Variants in DLEU7 observed in about 807,000 individuals in gnomAD.
The protein encoded by DLEU7 is leukemia-associated protein 7.
Under a neutral mutation model 16.0 loss-of-function variants are expected in DLEU7, and 17 were observed. That is an observed-to-expected ratio of 1.06 (90% CI 0.73 to 1.59). The LOEUF (loss-of-function observed/expected upper bound fraction) is 1.59. Ranked by LOEUF, DLEU7 falls within the 40% of genes most tolerant of loss-of-function variation. The pLI is 0.00. For missense variants in DLEU7, 308 were observed against 314.9 expected, an observed-to-expected ratio of 0.98 and a Z score of 0.17; for synonymous variants, 113 against 139.8, an observed-to-expected ratio of 0.81 and a Z score of 1.35.
chr13:50,722,225 G>C (rs933079006), intron 1 of DLEU7, among the ~76,000 whole-genome samples: 2 of 152,210 alleles, frequency 1.3e-5, no homozygotes, highest in Non-Finnish European at 2.9e-5. Flanking sequence ...TAAGGTGGAA[G>C]GGATGATGTC....
intron 1 of DLEU7, among the ~76,000 whole-genome samples, chr13:50,757,691 G>A (rs186628970): frequency 1.7e-3 from 258 of 152,294 alleles, no homozygotes; most frequent in African/African-American, 3.9e-3. Flanking sequence ...TGGATGGGTA[G>A]GGGATAGAAT....
intron 1 of DLEU7, among the ~76,000 whole-genome samples, chr13:50,831,068 C>T (rs1877248707): frequency 7.3e-6 from 1 of 136,516 alleles, no homozygotes; most frequent in Non-Finnish European, 1.5e-5. Flanking sequence ...AATAACTAAA[C>T]TTATAGTGGA....
At chr13:50,774,037 G>A (rs1759540857) in intron 1 of DLEU7, among the ~76,000 whole-genome samples, 1 of 152,202 alleles carries the variant, frequency 6.6e-6, no homozygotes, top group Non-Finnish European at 1.5e-5. Context: ...TGATCTAGCA[G>A]TGAGCAAGGC....
intron 1 of DLEU7, among the ~76,000 whole-genome samples, chr13:50,776,126 C>T (rs1249222253): frequency 3.9e-5 from 6 of 152,104 alleles, no homozygotes; most frequent in Non-Finnish European, 7.4e-5. Context: ...CTCTCTGGGA[C>T]TTGTATTACC....
chr13:50,823,304 C>A lies in DLEU7; in HGVS notation c.*10G>T, dbSNP rs9563002. ...GCTGGCTGTGGTTTTACTCCCGATG[C>A]CTTTAACACTCATATGTCTGGGAGA... On this transcript the variant is annotated 3_prime_UTR_variant, in exon 2 of 2. Coordinates refer to ENST00000504404, the MANE Select transcript of DLEU7 (RefSeq NM_001306135.2). 700,524 of 1,534,126 alleles carry A rather than the reference C, an allele frequency of 0.46. 165,638 individuals are homozygous for A. The highest frequency in any genetic ancestry group is 0.49 in the Non-Finnish European group (566,372 of 1,145,430).
chr13:50,807,294 A>T (rs1876420175), intron 1 of DLEU7, among the ~76,000 whole-genome samples: 1 of 152,038 alleles, frequency 6.6e-6, no homozygotes. Flanking sequence ...TATTTCTTAG[A>T]ATCCTGCTTT....
intron 1 of DLEU7, among the ~76,000 whole-genome samples, chr13:50,722,696 C>G (rs971703834): frequency 2.0e-5 from 3 of 152,198 alleles, no homozygotes; most frequent in Admixed American, 2.0e-4. Context: ...ATTACTTTAG[C>G]GTTTCAGAAC....
chr13:50,732,632 T>TGTGCTTATG (rs1873946505), intron 1 of DLEU7, among the ~76,000 whole-genome samples: 1 of 116,450 alleles, frequency 8.6e-6, no homozygotes, highest in Non-Finnish European at 1.7e-5. Context: ...AAAAAGCTTA[T>TGTGCTTATG]GTGCTTATGT....
intron 1 of DLEU7, among the ~76,000 whole-genome samples, chr13:50,790,828 A>G (rs1463221872): frequency 1.3e-5 from 2 of 152,212 alleles, no homozygotes; most frequent in Non-Finnish European, 2.9e-5. Flanking sequence ...GCATTCCCGA[A>G]GAACAACCAG....
chr13:50,758,920 T>C lies in DLEU7; in HGVS notation c.460-45680A>G, dbSNP rs1306964773. ...CAGCCCACATTCAAGGGGAGAAGATTGCAGAAGGAAGCAAGGATAATTGGA... is the reference window on the plus strand; with the variant it reads ...CAGCCCACATTCAAGGGGAGAAGATCGCAGAAGGAAGCAAGGATAATTGGA... On this transcript the variant is annotated intron_variant, in intron 1 of 1. Coordinates refer to the DLEU7 transcript ENST00000400393. Among the ~76,000 whole-genome samples the C allele has an allele frequency of 2.6e-5, 4 of 152,218 alleles. No homozygotes were observed. The East Asian group carries it at 7.7e-4, about 29-fold the overall frequency.
chr13:50,786,749 G>T (rs1875803220), intron 1 of DLEU7, among the ~76,000 whole-genome samples: 1 of 152,182 alleles, frequency 6.6e-6, no homozygotes, highest in Non-Finnish European at 1.5e-5. Context: ...CTTTGTGTGA[G>T]TTAAAAATGA....
chr13:50,745,875 GA>G (rs2137728933), intron 1 of DLEU7, among the ~76,000 whole-genome samples: 1 of 152,248 alleles, frequency 6.6e-6, no homozygotes, highest in East Asian at 1.9e-4. Flanking sequence ...TAGAACAAGG[GA>G]AAGGAAACCA....
Position 50,739,958 on chromosome 13 carries a change from G to T in DLEU7, c.460-26718C>A, listed in dbSNP as rs1285462022. Among the ~76,000 whole-genome samples the T allele has an allele frequency of 2.0e-5, 3 of 151,942 alleles. No individual in the cohort carries two copies. In the East Asian group the frequency reaches 5.8e-4, roughly 29 times the overall value. ...TTAAATCAGAAATGGGTTAATGAAT[G>T]GTAGGGCATATAGAGAGAGAATGTG... On this transcript the variant is annotated intron_variant, in intron 1 of 1. Transcript: ENST00000400393.
intron 1 of DLEU7, among the ~76,000 whole-genome samples, chr13:50,785,169 A>T (rs144021249): frequency 6.6e-6 from 1 of 152,266 alleles, no homozygotes; most frequent in East Asian, 1.9e-4. Flanking sequence ...ACATCAAATC[A>T]TTTGGAGAAA....
chr13:50,820,586 C>T (rs1240842019), downstream of DLEU7, among the ~76,000 whole-genome samples: 1 of 152,096 alleles, frequency 6.6e-6, no homozygotes, highest in African/African-American at 2.4e-5. Flanking sequence ...TGATGGCTTC[C>T]ATTGTCCCTG....
At chr13:50,752,691 A>G (rs597128) in intron 1 of DLEU7, among the ~76,000 whole-genome samples, 76,673 of 150,534 alleles carry the variant, frequency 0.51, 21,151 homozygotes, top group African/African-American at 0.73. Context: ...CATTCCTGCC[A>G]GTGGGTTCGT....
At chr13:50,831,456 A>C (rs1877262659) in intron 1 of DLEU7, among the ~76,000 whole-genome samples, 1 of 152,204 alleles carries the variant, frequency 6.6e-6, no homozygotes, top group African/African-American at 2.4e-5. Flanking sequence ...AATAAATAAC[A>C]GAAGCCAAAG....
chr13:50,768,296 T>A (rs1355742737), intron 1 of DLEU7, among the ~76,000 whole-genome samples: 1 of 152,158 alleles, frequency 6.6e-6, no homozygotes, highest in Non-Finnish European at 1.5e-5. Flanking sequence ...TTATTTTTTT[T>A]TTATTATACT....
intron 1 of DLEU7, among the ~76,000 whole-genome samples, chr13:50,756,446 G>A (rs1270619961): frequency 6.6e-6 from 1 of 152,180 alleles, no homozygotes; most frequent in South Asian, 2.1e-4. Context: ...TGTGTACCTA[G>A]AAAGATTATG....
Sources: allele counts gnomAD v4.1 joint callset (sites outside exome capture counted in the v4.1 genomes callset), GRCh38; gene constraint gnomAD v4.1.1; transcripts MANE v1.5; gene names NCBI Gene and HGNC (gene_info 2026-07-23, HGNC 2026-07-21).